Variants in GABRR1 observed in about 807,000 individuals in gnomAD.
The protein encoded by GABRR1 is gamma-aminobutyric acid type A receptor subunit rho1, also known as gamma-aminobutyric acid receptor subunit rho-1.
In GABRR1, 59 loss-of-function variants were observed where a neutral mutation model predicts 55.5. The observed-to-expected ratio is 1.06, with a 90% CI of 0.86 to 1.32. The LOEUF (loss-of-function observed/expected upper bound fraction) is 1.32, where lower values mean the gene tolerates loss of function less well. GABRR1 is among the 40% of genes most tolerant of loss of function. The pLI, the probability that GABRR1 is intolerant of heterozygous loss-of-function variation, is 0.00. For missense variants in GABRR1, 602 were observed against 619.1 expected (o/e 0.97, Z 0.29); for synonymous variants, 213 against 226.0 (o/e 0.94, Z 0.51).
intron 1 of GABRR1, among the ~76,000 whole-genome samples, chr6:89,204,186 A>G (rs1772570494): frequency 6.6e-6 from 1 of 152,138 alleles, no homozygotes; most frequent in African/African-American, 2.4e-5. Context: ...TTGTCCTTTT[A>G]TTCGATCATC....
rs112306756 is a variant in GABRR1, at chr6:89,179,992, G to T, written c.1146+300C>A. On this transcript the variant is annotated intron_variant, in intron 9 of 9. Transcript: ENST00000454853. ...TTAAATTGTCATTTATTTTTCTCCTGGGATTCCCTCACTAAACTATGAACA... is the reference window on the plus strand; with the variant it reads ...TTAAATTGTCATTTATTTTTCTCCTTGGATTCCCTCACTAAACTATGAACA... 7.1e-4 allele frequency among the ~76,000 whole-genome samples: 108 copies of T among 152,134 alleles called. 2 individuals carry two copies. The highest frequency in any genetic ancestry group is 3.4e-3 in the Middle Eastern group (1 of 294).
chr6:89,191,279 T>TA (rs1772076671), intron 5 of GABRR1, among the ~76,000 whole-genome samples: 2 of 152,160 alleles, frequency 1.3e-5, no homozygotes, highest in Admixed American at 1.3e-4. Flanking sequence ...CAGGGAATGT[T>TA]AGAGTGCAGA....
chr6:89,183,171 A>AAAAG (rs1771783741), intron 7 of GABRR1, among the ~76,000 whole-genome samples: 1 of 148,484 alleles, frequency 6.7e-6, no homozygotes, highest in Non-Finnish European at 1.5e-5. Context: ...AAAAAAAAAA[A>AAAAG]GGAAAAGGCC....
intron 1 of GABRR1, among the ~76,000 whole-genome samples, chr6:89,208,041 G>A (rs918178842): frequency 3.3e-5 from 5 of 152,344 alleles, no homozygotes; most frequent in Non-Finnish European, 7.3e-5. Flanking sequence ...TCCAGAAGGC[G>A]GCAGCCTCCC....
rs1438212233 is a variant in GABRR1 at position 89,180,292 on chromosome 6, C to T, written c.1146G>A (p.Lys382=). 1 of 1,612,554 alleles carries T rather than the reference C, an allele frequency of 6.2e-7. No individual in the cohort carries two copies. The highest frequency in any genetic ancestry group is 8.5e-7 in the Non-Finnish European group (1 of 1,179,524). The change falls in exon 9 of 10, where the codon AAG becomes AAA. Residue 382 remains lysine (K), a splice_region_variant and synonymous_variant. Coordinates refer to ENST00000454853, the MANE Select transcript of GABRR1 (RefSeq NM_002042.5). ...QERKEQKLRE[K]LPCTSGLPPP... ...CACTATAAGCGCATGGCAAAGTCACCTTCTCCCGCAGCTTCTGTTCCTTCC... is the reference window on the plus strand; with the variant it reads ...CACTATAAGCGCATGGCAAAGTCACTTTCTCCCGCAGCTTCTGTTCCTTCC...
intron 1 of GABRR1, among the ~76,000 whole-genome samples, chr6:89,210,214 A>C (rs1159435920): frequency 1.4e-5 from 1 of 69,614 alleles, no homozygotes; most frequent in African/African-American, 5.8e-5. Flanking sequence ...TTTTTTTTGG[A>C]GATAGTTCTT....
At chr6:89,211,766 G>A (rs1016445241) in intron 1 of GABRR1, among the ~76,000 whole-genome samples, 7 of 152,018 alleles carry the variant, frequency 4.6e-5, no homozygotes, top group Non-Finnish European at 8.8e-5. Context: ...TGAAAAAATG[G>A]GCCTCTTAAC....
chr6:89,184,597 G>T (rs1382867240), intron 7 of GABRR1, among the ~76,000 whole-genome samples: 1 of 152,166 alleles, frequency 6.6e-6, no homozygotes, highest in Non-Finnish European at 1.5e-5. Flanking sequence ...CACGGGGCTG[G>T]CTGGAGCAGG....
chr6:89,188,200 T>A (rs999798980), intron 6 of GABRR1, among the ~76,000 whole-genome samples: 7 of 152,040 alleles, frequency 4.6e-5, no homozygotes, highest in Admixed American at 1.3e-4. Flanking sequence ...ATTTTTGTAT[T>A]TTTTGTAGAG....
intron 5 of GABRR1, among the ~76,000 whole-genome samples, chr6:89,196,856 A>AAAGAAAGAAAGG (rs1772304092): frequency 1.4e-5 from 2 of 139,830 alleles, no homozygotes; most frequent in Admixed American, 1.5e-4. Flanking sequence ...AGAAAGAAAG[A>AAAGAAAGAAAGG]AAGAAAGAAA....
chr6:89,182,047 G>A lies in GABRR1; in HGVS notation c.807C>T (p.Asn269=). The change falls in exon 8 of 10, where the codon AAC becomes AAT. Residue 269 remains asparagine, a synonymous_variant. Transcript: ENST00000454853. The part of the protein sequence containing the change: ...LAFYSSTGWY[N]RLYINFTLRR... ...GCAACGTGAAATTAATGTAGAGACG[G>A]TTGTACCAGCCTGGGGGACACAGGA... The A allele has an allele frequency of 6.2e-7, 1 of 1,614,066 alleles. No homozygotes were observed. The highest frequency in any genetic ancestry group is 8.5e-7 in the Non-Finnish European group (1 of 1,179,992).
rs780983775 is a variant in GABRR1 at position 89,199,374 on chromosome 6, T to C, written c.336A>G (p.Ser112=). The C allele has an allele frequency of 1.9e-6, 3 of 1,613,962 alleles. No individual in the cohort carries two copies. Among genetic ancestry groups the C allele is most frequent in the Admixed American group, 1.7e-5 (1 of 60,028 alleles). ...DVQVESLDSI[S]EVDMDFTMTL... ...GAGAAGCACTTACCATGTCAACCTC[T>C]GAGATGCTATCCAAACTCTCCACCT... is the stretch of plus-strand genomic sequence containing the variant. The change falls in exon 4 of 10, where the codon TCA becomes TCG. Residue 112 remains serine (S), a synonymous_variant. Coordinates refer to ENST00000454853, the MANE Select transcript of GABRR1 (RefSeq NM_002042.5).
chr6:89,192,391 C>T (rs1772126614), intron 5 of GABRR1, among the ~76,000 whole-genome samples: 1 of 152,114 alleles, frequency 6.6e-6, no homozygotes, highest in Non-Finnish European at 1.5e-5. Context: ...CTCTTCTCTC[C>T]CACCTAACTG....
intron 2 of GABRR1, among the ~76,000 whole-genome samples, chr6:89,202,250 C>T (rs756522766): frequency 2.0e-5 from 3 of 152,076 alleles, no homozygotes; most frequent in South Asian, 2.1e-4. Flanking sequence ...TGCCTCCACC[C>T]GCTCCTAGCC....
chr6:89,189,723 T>A (rs370437844), intron 6 of GABRR1, among the ~76,000 whole-genome samples: 2 of 152,050 alleles, frequency 1.3e-5, no homozygotes, highest in East Asian at 3.9e-4. Flanking sequence ...GTTCCTGATA[T>A]TTAAAATTAC....
chr6:89,178,071 A>T lies in GABRR1; in HGVS notation c.*699T>A, dbSNP rs1044029304. The T allele has an allele frequency of 1.3e-5, 2 of 152,232 alleles. No homozygotes were observed. The highest frequency in any genetic ancestry group is 2.4e-5 in the African/African-American group (1 of 41,432). The allele number at this position is 152,232 out of a possible 1,614,324, so 9.4% of individuals were successfully genotyped here. A position where few individuals can be genotyped will look rare whatever the true frequency, so the allele number is the denominator to read the frequency against. ...TTTCTAGCCTAGTTACCTCTATGACACAACAGACAAAATGCATGTGTGTAC... is the reference window on the plus strand; with the variant it reads ...TTTCTAGCCTAGTTACCTCTATGACTCAACAGACAAAATGCATGTGTGTAC... On this transcript the variant is annotated 3_prime_UTR_variant, in exon 10 of 10. Transcript: ENST00000454853.
At chr6:89,221,094 C>T (rs1486562427), upstream of GABRR1, among the ~76,000 whole-genome samples, 1 of 152,110 alleles carries the variant, frequency 6.6e-6, no homozygotes, top group East Asian at 1.9e-4. Context: ...TCTCACTCTC[C>T]TTTTTATTCC....
intron 3 of GABRR1, among the ~76,000 whole-genome samples, chr6:89,200,702 CA>C (rs1295630789): frequency 6.6e-6 from 1 of 152,100 alleles, no homozygotes; most frequent in East Asian, 1.9e-4. Flanking sequence ...TGCACTAAAT[CA>C]TTATTCTCTC....
chr6:89,178,616 G>A lies in GABRR1; in HGVS notation c.*154C>T, dbSNP rs1166176421. 13 of 641,990 alleles carry A rather than the reference G, an allele frequency of 2.0e-5. No homozygotes were observed. The highest frequency in any genetic ancestry group is 7.3e-5 in the African/African-American group (4 of 54,596). 39.8% of individuals were successfully genotyped at this position (641,990 alleles called of 1,614,324 possible). A position where few individuals can be genotyped will look rare whatever the true frequency, so the allele number is the denominator to read the frequency against. On this transcript the variant is annotated 3_prime_UTR_variant, in exon 10 of 10. Coordinates refer to ENST00000454853, the MANE Select transcript of GABRR1 (RefSeq NM_002042.5). ...TGCAAATTAAACCAGTAAGTGTCTC[G>A]TCAATGTAGCTTTGGAAAGCTGCAG...
Sources: allele counts gnomAD v4.1 joint callset (sites outside exome capture counted in the v4.1 genomes callset), GRCh38; gene constraint gnomAD v4.1.1; transcripts MANE v1.5; gene names NCBI Gene and HGNC (gene_info 2026-07-23, HGNC 2026-07-21).